The following ALDOB variants were observed in gnomAD, a reference collection of about 807,000 sequenced individuals.
The protein encoded by ALDOB is aldolase, fructose-bisphosphate B, also known as fructose-bisphosphate aldolase B.
Under a neutral mutation model 41.0 loss-of-function variants are expected in ALDOB, and 39 were observed. That is an observed-to-expected ratio of 0.95 (90% CI 0.74 to 1.24). The LOEUF (loss-of-function observed/expected upper bound fraction) is 1.24. Ranked by LOEUF, ALDOB falls within the 50% of genes most tolerant of loss-of-function variation. The pLI is 0.00. For missense variants in ALDOB, 530 were observed against 457.3 expected, an observed-to-expected ratio of 1.16 and a Z score of -1.45; for synonymous variants, 175 against 168.8, an observed-to-expected ratio of 1.04 and a Z score of -0.28.
Position 101,424,993 on chromosome 9 carries a change from G to A in ALDOB, c.849C>T (p.Asn283=), listed in dbSNP as rs202062631. The A allele has an allele frequency of 4.6e-5, 74 of 1,614,102 alleles. No individual in the cohort carries two copies. The highest frequency in any genetic ancestry group is 3.3e-5 in the Admixed American group (2 of 60,006). ...GAGGGCAAAGGTTGATAGCATTGAGGTTGAGAGTGGCATCCTCTTCACTCA... is the reference window on the plus strand; with the variant it reads ...GAGGGCAAAGGTTGATAGCATTGAGATTGAGAGTGGCATCCTCTTCACTCA... ...GGMSEEDATL[N]LNAINLCPLP... is the part of the protein sequence containing the mutation. Residue 283 remains asparagine (N), a synonymous_variant, in exon 8 of 9, where the codon AAC becomes AAT. Coordinates refer to ENST00000647789, the MANE Select transcript of ALDOB (RefSeq NM_000035.4).
chr9:101,428,399 C>T, intron 4 of ALDOB, 70 bp downstream of exon 4: 1 of 1,449,836 alleles, frequency 6.9e-7, no homozygotes. Context: ...TTTTTCCTTG[C>T]TTCCTTCTTT....
At chr9:101,431,754 C>T (rs1320377924) in intron 1 of ALDOB, among the ~76,000 whole-genome samples, 1 of 152,138 alleles carries the variant, frequency 6.6e-6, no homozygotes, top group African/African-American at 2.4e-5. Flanking sequence ...ACAAAGAGTG[C>T]TTTTTGCATA....
rs749775663 is a variant in ALDOB at position 101,430,773 on chromosome 9, C to T, written c.112+3G>A. The T allele has an allele frequency of 4.4e-6, 7 of 1,605,204 alleles. No individual in the cohort carries two copies. Among genetic ancestry groups the T allele is most frequent in the Non-Finnish European group, 6.0e-6 (7 of 1,171,806 alleles). On this transcript the variant is annotated splice_donor_region_variant and intron_variant, in intron 2 of 8. Coordinates refer to ENST00000647789, the MANE Select transcript of ALDOB (RefSeq NM_000035.4). The stretch of plus-strand genomic sequence containing the variant: ...ATATGATGAGACTGCTTTTTACACT[C>T]ACCTACAGATTCATCTGCAGCCAGG...
At chr9:101,427,966 A>T (rs776206487) in intron 4 of ALDOB, among the ~76,000 whole-genome samples, 1 of 152,220 alleles carries the variant, frequency 6.6e-6, no homozygotes, top group Non-Finnish European at 1.5e-5. Flanking sequence ...CTCAAGAGTG[A>T]CAGAGCTGGG....
At chr9:101,432,042 A>G (rs919266249) in intron 1 of ALDOB, among the ~76,000 whole-genome samples, 1 of 152,224 alleles carries the variant, frequency 6.6e-6, no homozygotes, top group Non-Finnish European at 1.5e-5. Flanking sequence ...GGTCCCAGCT[A>G]GGATGAAGCA....
chr9:101,429,997 G>A (rs1831194607), intron 2 of ALDOB, 31 bp from the exon 3 acceptor site: 2 of 1,593,994 alleles, frequency 1.3e-6, no homozygotes, highest in Non-Finnish European at 1.7e-6. Flanking sequence ...GCAGCATAAG[G>A]AGCAAGCCAG....
At chr9:101,422,516 T>A (rs1289790164) in intron 8 of ALDOB, among the ~76,000 whole-genome samples, 1 of 152,212 alleles carries the variant, frequency 6.6e-6, no homozygotes, top group East Asian at 1.9e-4. Flanking sequence ...CTTAGGAACA[T>A]GTTAAAAATA....
At chr9:101,427,812 T>C (rs1242344973) in intron 4 of ALDOB, among the ~76,000 whole-genome samples, 170 bp from the exon 5 acceptor site, 1 of 152,172 alleles carries the variant, frequency 6.6e-6, no homozygotes. Context: ...CCAGAAGACT[T>C]AGATTTAATA....
At chr9:101,429,139 C>CTT (rs552828978) in intron 3 of ALDOB, among the ~76,000 whole-genome samples, 13 of 137,222 alleles carry the variant, frequency 9.5e-5, no homozygotes, top group South Asian at 9.4e-4. Flanking sequence ...TTTTTTCTTT[C>CTT]TTTTTTTTTT....
At position 101,425,476 on chromosome 9, in the gene ALDOB, C is replaced by T. The variant is rs565827286; in HGVS notation, c.776G>A (p.Arg259His). 57 of 1,614,118 alleles carry T rather than the reference C, an allele frequency of 3.5e-5. No individual in the cohort carries two copies. Among genetic ancestry groups the T allele is most frequent in the African/African-American group, 2.5e-4 (19 of 75,022 alleles). Residue 259 changes from arginine (R) to histidine (H), a missense_variant, in exon 7 of 9, where the codon CGT becomes CAT. Physicochemically the swap from Arg to His is conservative, Grantham distance 29. Coordinates refer to ENST00000647789, the MANE Select transcript of ALDOB (RefSeq NM_000035.4). ...ACCAGGAACAGCTGCAGGAACAGTACGGTGGAGAGCTGTTACGGTGGCCAT... is the reference window on the plus strand; with the variant it reads ...ACCAGGAACAGCTGCAGGAACAGTATGGTGGAGAGCTGTTACGGTGGCCAT... ...VAMATVTALH[R>H]TVPAAVPGIC...
Position 101,421,804 on chromosome 9 carries a change from G to A in ALDOB, c.*5C>T. On this transcript the variant is annotated 3_prime_UTR_variant, in exon 9 of 9. Transcript: ENST00000647789. ...CACTGGAGCTAGGCTGGCGGGCATT[G>A]GACCCTAGTAGGTATAGCAGGCTGT... 6.2e-7 allele frequency: 1 copy of A among 1,613,344 alleles called. No individual in the cohort carries two copies. Among genetic ancestry groups the A allele is most frequent in the Non-Finnish European group, 8.5e-7 (1 of 1,179,490 alleles).
rs546735701 is a variant in ALDOB, at chr9:101,421,890, C to T, written c.1014G>A (p.Ala338=). ...CCGTGTGAACATACTGTCCTTTGGC[C>T]GCCTGGCAGTTAGCCTAGAAGACAA... ...FMKRAMANCQ[A]AKGQYVHTGS... The change falls in exon 9 of 9, where the codon GCG becomes GCA. Residue 338 remains alanine (A), a synonymous_variant. Transcript: ENST00000647789. 1.4e-4 allele frequency: 230 copies of T among 1,613,894 alleles called. 4 individuals carry two copies. The South Asian group carries it at 2.0e-3, about 14-fold the overall frequency.
Position 101,429,980 on chromosome 9 carries a change from G to T in ALDOB, c.113-14C>A. 6.2e-7 allele frequency: 1 copy of T among 1,611,516 alleles called. No individual in the cohort carries two copies. The highest frequency in any genetic ancestry group is 8.5e-7 in the Non-Finnish European group (1 of 1,177,848). ...TCCCCATGGTACCTATGGTGGGAGG[G>T]CCAAGGGCAGCATAAGGAGCAAGCC... On this transcript the variant is annotated splice_polypyrimidine_tract_variant and intron_variant, in intron 2 of 8. Transcript: ENST00000647789.
At position 101,434,060 on chromosome 9, in the gene ALDOB, C is replaced by T. The variant is rs145092810; in HGVS notation, c.-11+1649G>A. ...GTGCTGGGATTACAGGCATGAGCCACTGCACCCGGCCACATTTCATTTTAT... is the reference window on the plus strand; with the variant it reads ...GTGCTGGGATTACAGGCATGAGCCATTGCACCCGGCCACATTTCATTTTAT... On this transcript the variant is annotated intron_variant, in intron 1 of 8. Coordinates refer to ENST00000647789, the MANE Select transcript of ALDOB (RefSeq NM_000035.4). Among the ~76,000 whole-genome samples the T allele has an allele frequency of 6.9e-3, 1,057 of 152,318 alleles. 10 individuals are homozygous for T. The highest frequency in any genetic ancestry group is 0.025 in the African/African-American group (1,020 of 41,560).
chr9:101,433,423 G>A (rs567496331), intron 1 of ALDOB, among the ~76,000 whole-genome samples: 12 of 152,272 alleles, frequency 7.9e-5, no homozygotes, highest in African/African-American at 2.2e-4. Flanking sequence ...TCACCTCTCT[G>A]TTAATCATAA....
chr9:101,432,258 C>CA (rs1228009944), intron 1 of ALDOB, among the ~76,000 whole-genome samples: 2 of 152,168 alleles, frequency 1.3e-5, no homozygotes, highest in Non-Finnish European at 2.9e-5. Flanking sequence ...AATGAAACTG[C>CA]AATGCTGTTA....
chr9:101,428,417 T>C lies in ALDOB; in HGVS notation c.379+52A>G, dbSNP rs575599971. The C allele has an allele frequency of 3.2e-6, 5 of 1,542,268 alleles. No individual in the cohort carries two copies. In the East Asian group the frequency reaches 9.0e-5, roughly 28 times the overall value. On this transcript the variant is annotated intron_variant, in intron 4 of 8. Coordinates refer to ENST00000647789, the MANE Select transcript of ALDOB (RefSeq NM_000035.4). ...TTCCTTGCTTCCTTCTTTACTTGCC[T>C]TCATTTCTAGCTTACACTGGCATGA...
At chr9:101,422,047 T>C in intron 8 of ALDOB, 143 bp from the exon 9 acceptor site, 1 of 725,404 alleles carries the variant, frequency 1.4e-6, no homozygotes, top group East Asian at 2.7e-5. Flanking sequence ...TTGCTGGGGA[T>C]ACCATCCCCT....
At chr9:101,427,279 A>G (rs976169369) in intron 5 of ALDOB, among the ~76,000 whole-genome samples, 2 of 152,140 alleles carry the variant, frequency 1.3e-5, no homozygotes, top group Non-Finnish European at 2.9e-5. Flanking sequence ...CTTTGAACTC[A>G]TAGCTTAGTT....
Sources: allele counts gnomAD v4.1 joint callset (sites outside exome capture counted in the v4.1 genomes callset), GRCh38; gene constraint gnomAD v4.1.1; transcripts MANE v1.5; gene names NCBI Gene and HGNC (gene_info 2026-07-23, HGNC 2026-07-21).